The following SLC25A26 variants were observed in gnomAD, a reference collection of about 807,000 sequenced individuals.
SLC25A26 encodes the protein solute carrier family 25 member 26.
A neutral mutation model predicts 37.8 loss-of-function variants in SLC25A26; 36 were observed. That is an observed-to-expected ratio of 0.95 (90% CI 0.73 to 1.26). SLC25A26 has a LOEUF of 1.26. SLC25A26 is among the 50% of genes most tolerant of loss of function. The probability of loss-of-function intolerance (pLI) is 0.00; values close to 1 mark genes in which losing one functional copy is unlikely to be tolerated. For synonymous variants in SLC25A26, 129 were observed against 122.5 expected (o/e 1.05, Z -0.35); for missense variants, 390 against 331.1 (o/e 1.18, Z -1.38).
chr3:66,313,551 C>G (rs2075444083), intron 5 of SLC25A26, among the ~76,000 whole-genome samples: 1 of 152,138 alleles, frequency 6.6e-6, no homozygotes, highest in Non-Finnish European at 1.5e-5. Context: ...AGTCCAGTAG[C>G]ATGTTGCCTC....
chr3:66,214,413 G>T lies in SLC25A26; in HGVS notation c.-353-6329G>T, dbSNP rs1025795965. 6.1e-4 allele frequency among the ~76,000 whole-genome samples: 92 copies of T among 152,040 alleles called. No individual in the cohort carries two copies. The East Asian group carries it at 0.016, about 26-fold the overall frequency. Reference sequence around the variant, plus strand: ...ACAACCTAAAGTATTCCTTTATAACGATGCAAAACTGACTCACATTAAGAT... The same window carrying T: ...ACAACCTAAAGTATTCCTTTATAACTATGCAAAACTGACTCACATTAAGAT... On this transcript the variant is annotated intron_variant, in intron 1 of 10. Transcript: ENST00000676754.
At chr3:66,182,644 C>T (rs36182786) in intron 1 of SLC25A26, among the ~76,000 whole-genome samples, 27,721 of 141,752 alleles carry the variant, frequency 0.2, 2,987 homozygotes, top group Admixed American at 0.37. Flanking sequence ...CAAGAGAAGT[C>T]GCTGGCACAA....
At chr3:66,140,095 G>C (rs1021191295) in intron 1 of SLC25A26, among the ~76,000 whole-genome samples, 14 of 152,172 alleles carry the variant, frequency 9.2e-5, no homozygotes, top group African/African-American at 3.4e-4. Context: ...ATGGCTGTCA[G>C]GTCTGTTCTC....
chr3:66,195,239 C>G (rs2071025707), intron 1 of SLC25A26, among the ~76,000 whole-genome samples: 1 of 152,184 alleles, frequency 6.6e-6, no homozygotes, highest in African/African-American at 2.4e-5. Context: ...CAGGACTCAC[C>G]GTTGCTAGGA....
intron 5 of SLC25A26, among the ~76,000 whole-genome samples, chr3:66,339,107 G>A (rs143636821): frequency 1.3e-5 from 2 of 151,944 alleles, no homozygotes; most frequent in African/African-American, 4.8e-5. Flanking sequence ...GGATCATAAG[G>A]TCATTCTGTG....
intron 1 of SLC25A26, among the ~76,000 whole-genome samples, chr3:66,134,511 T>A (rs1364351608): frequency 5.3e-5 from 8 of 152,220 alleles, no homozygotes; most frequent in Admixed American, 5.2e-4. Context: ...AGAACTTCAC[T>A]GGAAATCTGA....
intron 1 of SLC25A26, among the ~76,000 whole-genome samples, chr3:66,154,602 C>T (rs985643939): frequency 3.3e-5 from 5 of 149,480 alleles, no homozygotes; most frequent in African/African-American, 1.2e-4. Context: ...GCAGTGACGC[C>T]ATCACAGCTC....
chr3:66,203,368 T>G (rs1193408334), intron 1 of SLC25A26, among the ~76,000 whole-genome samples: 2 of 151,202 alleles, frequency 1.3e-5, no homozygotes, highest in African/African-American at 4.9e-5. Flanking sequence ...GTGATGAGAG[T>G]GAGACCCTGT....
At chr3:66,234,133 G>A (rs1366194146) in intron 1 of SLC25A26, among the ~76,000 whole-genome samples, 1 of 152,120 alleles carries the variant, frequency 6.6e-6, no homozygotes, top group Non-Finnish European at 1.5e-5. Context: ...CCAGGCAGGA[G>A]CGTGGTGGCT....
intron 1 of SLC25A26, among the ~76,000 whole-genome samples, chr3:66,195,887 G>A (rs2071037622): frequency 6.6e-6 from 1 of 152,136 alleles, no homozygotes; most frequent in African/African-American, 2.4e-5. Flanking sequence ...TATTCACTTG[G>A]CAAATTATTT....
At chr3:66,213,260 T>C (rs1214141368) in intron 1 of SLC25A26, among the ~76,000 whole-genome samples, 1 of 151,574 alleles carries the variant, frequency 6.6e-6, no homozygotes, top group Non-Finnish European at 1.5e-5. Context: ...ATTAGCCAGG[T>C]GTGGTAGCCC....
intron 2 of SLC25A26, among the ~76,000 whole-genome samples, chr3:66,240,743 T>C (rs2072537182): frequency 7.9e-6 from 1 of 127,276 alleles, no homozygotes; most frequent in Non-Finnish European, 1.6e-5. Context: ...TAGCCTTTTC[T>C]TTTCTTTTTT....
chr3:66,268,113 C>T (rs2073826065), intron 5 of SLC25A26, among the ~76,000 whole-genome samples: 1 of 152,168 alleles, frequency 6.6e-6, no homozygotes, highest in Non-Finnish European at 1.5e-5. Flanking sequence ...TCATTAAGAG[C>T]ACTATCTTTT....
Position 66,364,034 on chromosome 3 carries a change from A to G in SLC25A26, c.568+1105A>G, listed in dbSNP as rs540095656. The stretch of plus-strand genomic sequence containing the variant: ...CTAAGAGAGATGTGCATTTTTGTAG[A>G]CACTCTCCTGGGCCCTGGGGACAAA... On this transcript the variant is annotated intron_variant, in intron 7 of 9. Transcript: ENST00000354883. 2.0e-5 allele frequency among the ~76,000 whole-genome samples: 3 copies of G among 151,948 alleles called. No individual in the cohort carries two copies. In the South Asian group the frequency reaches 6.2e-4, roughly 32 times the overall value.
intron 1 of SLC25A26, among the ~76,000 whole-genome samples, chr3:66,162,154 C>T (rs1013619032): frequency 2.0e-5 from 3 of 152,092 alleles, no homozygotes; most frequent in Non-Finnish European, 4.4e-5. Flanking sequence ...TGTGTCTTCA[C>T]GTGGTCTTCC....
chr3:66,243,457 C>T, intron 3 of SLC25A26, 145 bp downstream of exon 3: 1 of 512,832 alleles, frequency 1.9e-6, no homozygotes, highest in Non-Finnish European at 3.4e-6. Context: ...TTAAATATGA[C>T]AGTTCGAAGA....
At chr3:66,286,228 T>C (rs927807633) in intron 5 of SLC25A26, among the ~76,000 whole-genome samples, 1 of 152,206 alleles carries the variant, frequency 6.6e-6, no homozygotes, top group African/African-American at 2.4e-5. Context: ...TTTTTTCTTT[T>C]ATGAATTGTA....
chr3:66,330,656 T>A (rs1425638163), intron 5 of SLC25A26, among the ~76,000 whole-genome samples: 1 of 131,430 alleles, frequency 7.6e-6, no homozygotes, highest in Non-Finnish European at 1.6e-5. Flanking sequence ...GGGGAGTGGG[T>A]AGGCATTTTT....
At chr3:66,308,128 C>T (rs1037129418) in intron 5 of SLC25A26, among the ~76,000 whole-genome samples, 2 of 152,090 alleles carry the variant, frequency 1.3e-5, no homozygotes, top group African/African-American at 4.8e-5. Flanking sequence ...TCTTCCTATC[C>T]ATGAGCATGG....
Sources: allele counts gnomAD v4.1 joint callset (sites outside exome capture counted in the v4.1 genomes callset), GRCh38; gene constraint gnomAD v4.1.1; transcripts MANE v1.5; gene names NCBI Gene and HGNC (gene_info 2026-07-23, HGNC 2026-07-21).